TERB2: variants seen among roughly 807,000 people sequenced by gnomAD.
The protein encoded by TERB2 is telomere repeats-binding bouquet formation protein 2.
TERB2 carries 26 observed loss-of-function variants against 29.8 expected under a neutral mutation model. That is an observed-to-expected ratio of 0.87 (90% CI 0.64 to 1.21). TERB2 has a LOEUF of 1.21. Ranked by LOEUF, TERB2 falls within the 50% of genes most tolerant of loss-of-function variation. The pLI, the probability that TERB2 is intolerant of heterozygous loss-of-function variation, is 0.00. For synonymous variants in TERB2, 80 were observed against 90.8 expected, an observed-to-expected ratio of 0.88 and a Z score of 0.68; for missense variants, 240 against 268.6, an observed-to-expected ratio of 0.89 and a Z score of 0.74.
chr15:44,962,066 G>A (rs953148337), intron 4 of TERB2, among the ~76,000 whole-genome samples: 1 of 152,058 alleles, frequency 6.6e-6, no homozygotes, highest in African/African-American at 2.4e-5. Context: ...TTTTATAGTA[G>A]TGCATTAGTA....
At chr15:44,966,836 T>C (rs1468426220) in intron 5 of TERB2, among the ~76,000 whole-genome samples, 7 of 152,228 alleles carry the variant, frequency 4.6e-5, no homozygotes, top group Admixed American at 3.9e-4. Context: ...TTGTGCCGCA[T>C]GCTTGTAATC....
At chr15:44,964,026 G>T (rs1891847641) in intron 4 of TERB2, among the ~76,000 whole-genome samples, 1 of 151,952 alleles carries the variant, frequency 6.6e-6, no homozygotes, top group Non-Finnish European at 1.5e-5. Context: ...GGCCGGGATG[G>T]TCTCAATCTC....
At chr15:44,963,886 C>A (rs552374844) in intron 4 of TERB2, among the ~76,000 whole-genome samples, 2 of 136,028 alleles carry the variant, frequency 1.5e-5, no homozygotes, top group Non-Finnish European at 3.1e-5. Context: ...CTCAAGCTTA[C>A]TGCGACCACC....
At chr15:44,977,348 T>C (rs557164869) in intron 6 of TERB2, among the ~76,000 whole-genome samples, 23 of 152,378 alleles carry the variant, frequency 1.5e-4, no homozygotes, top group African/African-American at 5.3e-4. Context: ...TCTGATGCCA[T>C]AAATGTCCTA....
intron 3 of TERB2, among the ~76,000 whole-genome samples, chr15:44,960,031 A>G (rs1298160990): frequency 6.6e-6 from 1 of 152,208 alleles, no homozygotes; most frequent in South Asian, 2.1e-4. Context: ...GGATGGGGGA[A>G]TTGATTTTAA....
intron 6 of TERB2, among the ~76,000 whole-genome samples, chr15:44,977,116 C>CACACACACACACACA (rs1566947510): frequency 2.0e-5 from 3 of 151,526 alleles, no homozygotes; most frequent in Non-Finnish European, 2.9e-5. Context: ...CACACACACA[C>CACACACACACACACA]CCCAGAAAAA....
intron 6 of TERB2, among the ~76,000 whole-genome samples, chr15:44,975,304 G>A (rs1892028690): frequency 6.6e-6 from 1 of 151,956 alleles, no homozygotes; most frequent in African/African-American, 2.4e-5. Context: ...GATGTGAAAT[G>A]ACAAATACTT....
At chr15:44,962,929 C>A (rs575238637) in intron 4 of TERB2, 2 of 151,348 alleles carry the variant, frequency 1.3e-5, no homozygotes, top group African/African-American at 2.4e-5. Context: ...GCATTCCATA[C>A]GTGTATATGA....
intron 2 of TERB2, among the ~76,000 whole-genome samples, chr15:44,957,914 GCCATTATTGT>G (rs1016331459): frequency 4.7e-5 from 7 of 150,454 alleles, no homozygotes; most frequent in African/African-American, 1.7e-4. Flanking sequence ...AACCCGAACT[GCCATTATTGT>G]TCATGCATGC....
chr15:44,963,921 G>A (rs113213060), intron 4 of TERB2, among the ~76,000 whole-genome samples: 4 of 145,526 alleles, frequency 2.7e-5, no homozygotes, highest in African/African-American at 7.7e-5. Context: ...AGCGATTCTC[G>A]TGCCTCAGCC....
intron 2 of TERB2, among the ~76,000 whole-genome samples, chr15:44,957,186 C>T (rs1178066749): frequency 1.3e-5 from 2 of 150,944 alleles, no homozygotes; most frequent in African/African-American, 4.9e-5. Flanking sequence ...TGCACTCCAG[C>T]CTGGGTGACA....
chr15:44,977,433 G>A (rs544058659), intron 6 of TERB2, among the ~76,000 whole-genome samples: 1 of 152,118 alleles, frequency 6.6e-6, no homozygotes, highest in Non-Finnish European at 1.5e-5. Flanking sequence ...CATCTTCAGA[G>A]GTTTCACACA....
At chr15:44,975,850 T>C (rs1892039216) in intron 6 of TERB2, among the ~76,000 whole-genome samples, 2 of 152,196 alleles carry the variant, frequency 1.3e-5, no homozygotes. Flanking sequence ...TTATCACCCA[T>C]GATAAGAAGT....
chr15:44,957,069 C>A, intron 2 of TERB2, 92 bp downstream of exon 2: 1 of 1,345,922 alleles, frequency 7.4e-7, no homozygotes, highest in Non-Finnish European at 1.0e-6. Context: ...ATTGATGAGG[C>A]TGGGCGCGGT....
chr15:44,975,745 G>A (rs1892036947), intron 6 of TERB2, among the ~76,000 whole-genome samples: 1 of 146,324 alleles, frequency 6.8e-6, no homozygotes, highest in Non-Finnish European at 1.5e-5. Flanking sequence ...AATGTCCCTA[G>A]ACATTGCCAA....
intron 6 of TERB2, among the ~76,000 whole-genome samples, chr15:44,977,894 G>C (rs1288247591): frequency 6.6e-6 from 1 of 152,138 alleles, no homozygotes; most frequent in Non-Finnish European, 1.5e-5. Flanking sequence ...CTTAGTCATA[G>C]AGTCCTTAAG....
At chr15:44,964,605 T>C (rs896645389) in intron 4 of TERB2, among the ~76,000 whole-genome samples, 5 of 152,162 alleles carry the variant, frequency 3.3e-5, no homozygotes, top group Non-Finnish European at 5.9e-5. Flanking sequence ...TTCTCAGCTC[T>C]AACCCAATCC....
At chr15:44,960,884 AC>A (rs1325102543) in intron 3 of TERB2, among the ~76,000 whole-genome samples, 3 of 152,046 alleles carry the variant, frequency 2.0e-5, no homozygotes, top group Admixed American at 6.6e-5. Context: ...TTCCTGTACT[AC>A]CATGTTTACT....
At chr15:44,964,089 GT>G (rs1173246710) in intron 4 of TERB2, among the ~76,000 whole-genome samples, 1 of 152,102 alleles carries the variant, frequency 6.6e-6, no homozygotes, top group African/African-American at 2.4e-5. Flanking sequence ...GATTACAGGC[GT>G]GAGCCACTGT....
Sources: allele counts gnomAD v4.1 joint callset (sites outside exome capture counted in the v4.1 genomes callset), GRCh38; gene constraint gnomAD v4.1.1; transcripts MANE v1.5; gene names NCBI Gene and HGNC (gene_info 2026-07-23, HGNC 2026-07-21).